The following DIAPH3 variants were observed in gnomAD, a reference collection of about 807,000 sequenced individuals.
The protein encoded by DIAPH3 is protein diaphanous homolog 3.
A neutral mutation model predicts 144.3 loss-of-function variants in DIAPH3; 117 were observed. That is an observed-to-expected ratio of 0.81 (90% CI 0.70 to 0.95). The LOEUF (loss-of-function observed/expected upper bound fraction) is 0.95. Among genes scored for constraint, DIAPH3 ranks in the 40% least tolerant of loss-of-function variants. The pLI is 0.00. For missense variants in DIAPH3, 1,421 were observed against 1,412.7 expected (o/e 1.01, Z -0.09); for synonymous variants, 519 against 488.9 (o/e 1.06, Z -0.81).
intron 5 of DIAPH3, among the ~76,000 whole-genome samples, chr13:60,027,930 G>C (rs1421274822): frequency 2.0e-5 from 3 of 152,048 alleles, no homozygotes; most frequent in African/African-American, 7.3e-5. Flanking sequence ...CTAAATACTT[G>C]TCACTACTAC....
chr13:59,744,915 C>T (rs181549844), intron 27 of DIAPH3, among the ~76,000 whole-genome samples: 1 of 152,048 alleles, frequency 6.6e-6, no homozygotes, highest in Non-Finnish European at 1.5e-5. Context: ...GAAGAGCCAT[C>T]GAGTAGATGA....
intron 13 of DIAPH3, among the ~76,000 whole-genome samples, chr13:59,981,148 C>A (rs538581143): frequency 4.7e-5 from 7 of 150,420 alleles, no homozygotes; most frequent in Non-Finnish European, 1.0e-4. Flanking sequence ...ATCACCAACT[C>A]GTACATATTT....
chr13:59,674,961 G>A (rs1204817304), intron 27 of DIAPH3, among the ~76,000 whole-genome samples: 2 of 152,190 alleles, frequency 1.3e-5, no homozygotes, highest in Non-Finnish European at 2.9e-5. Context: ...TGATCTGGTG[G>A]TTCATAAGGG....
At chr13:59,929,335 T>C (rs1023885045) in intron 17 of DIAPH3, among the ~76,000 whole-genome samples, 1 of 152,146 alleles carries the variant, frequency 6.6e-6, no homozygotes, top group African/African-American at 2.4e-5. Flanking sequence ...TGTCATTTTA[T>C]ATAATTAACC....
chr13:60,009,805 C>A (rs888264824), intron 8 of DIAPH3, among the ~76,000 whole-genome samples: 2 of 152,200 alleles, frequency 1.3e-5, no homozygotes, highest in African/African-American at 4.8e-5. Flanking sequence ...GCTCCCCTTA[C>A]AGGACTCTGC....
intron 21 of DIAPH3, among the ~76,000 whole-genome samples, chr13:59,871,242 T>C (rs1340824160): frequency 6.6e-6 from 1 of 151,570 alleles, no homozygotes; most frequent in African/African-American, 2.4e-5. Flanking sequence ...ATTTCATCTA[T>C]GAAGAAAGAG....
chr13:60,016,948 A>G (rs1257372168), intron 5 of DIAPH3, among the ~76,000 whole-genome samples: 2 of 152,208 alleles, frequency 1.3e-5, no homozygotes, highest in Non-Finnish European at 2.9e-5. Flanking sequence ...CTCAGTGGAG[A>G]TTAGTAAACC....
chr13:59,803,492 G>T (rs1254236489), intron 25 of DIAPH3, among the ~76,000 whole-genome samples: 1 of 151,970 alleles, frequency 6.6e-6, no homozygotes, highest in African/African-American at 2.4e-5. Context: ...TATTGGATGA[G>T]CAATAAACTA....
chr13:59,897,166 T>C (rs138095390), intron 20 of DIAPH3, among the ~76,000 whole-genome samples: 147 of 152,154 alleles, frequency 9.7e-4, no homozygotes, highest in African/African-American at 3.4e-3. Flanking sequence ...TTAGAAGATA[T>C]GGGAAAAGAG....
intron 25 of DIAPH3, among the ~76,000 whole-genome samples, chr13:59,780,616 G>T (rs181953668): frequency 1.3e-5 from 2 of 152,116 alleles, no homozygotes; most frequent in African/African-American, 2.4e-5. Flanking sequence ...TTAAAAAATT[G>T]CACTGTGTCA....
chr13:59,961,748 A>G (rs1284139195), intron 17 of DIAPH3, among the ~76,000 whole-genome samples: 3 of 152,204 alleles, frequency 2.0e-5, no homozygotes, highest in Admixed American at 6.5e-5. Context: ...TGCTTCTTTT[A>G]GCTGAAATTC....
intron 27 of DIAPH3, among the ~76,000 whole-genome samples, chr13:59,678,147 T>G (rs1443720871): frequency 6.6e-6 from 1 of 152,122 alleles, no homozygotes; most frequent in South Asian, 2.1e-4. Context: ...AGGACCTATG[T>G]GGGGGTTAGG....
At chr13:59,904,461 AT>A (rs909433179) in intron 20 of DIAPH3, among the ~76,000 whole-genome samples, 3 of 152,164 alleles carry the variant, frequency 2.0e-5, no homozygotes, top group Admixed American at 6.5e-5. Flanking sequence ...TATTCTAAGA[AT>A]TTTGGGTAAC....
chr13:60,061,537 T>TA (rs200950589), intron 4 of DIAPH3, among the ~76,000 whole-genome samples: 81 of 145,514 alleles, frequency 5.6e-4, no homozygotes, highest in East Asian at 5.2e-3. Flanking sequence ...CCATAACATT[T>TA]AAAAAAAAAA....
chr13:59,930,464 G>C (rs1172338748), intron 17 of DIAPH3, among the ~76,000 whole-genome samples: 3 of 152,138 alleles, frequency 2.0e-5, no homozygotes, highest in Admixed American at 2.0e-4. Context: ...GGAAAAATGA[G>C]TCAGCCAGGT....
In DIAPH3 at chr13:59,899,179, C is replaced by T. The variant is rs566249463; in HGVS notation, c.2367+12556G>A. On this transcript the variant is annotated intron_variant, in intron 20 of 27. Transcript: ENST00000400324. ...TCCCTACTTTCGAGGCTTTGGGACT[C>T]CTACTGGCTTCCTTGCTCTTCAGCT... is the stretch of plus-strand genomic sequence containing the variant. Among the ~76,000 whole-genome samples, 408 of 152,252 alleles carry T rather than the reference C, an allele frequency of 2.7e-3. 2 individuals carry two copies. Among genetic ancestry groups the T allele is most frequent in the South Asian group, 0.012 (60 of 4,808 alleles).
chr13:60,025,623 A>G (rs992628511), intron 5 of DIAPH3, among the ~76,000 whole-genome samples: 16 of 152,120 alleles, frequency 1.1e-4, no homozygotes, highest in African/African-American at 3.9e-4. Flanking sequence ...CAAGTGCTAA[A>G]ATGAGGTCAA....
chr13:59,901,975 A>C (rs1347366245), intron 20 of DIAPH3, among the ~76,000 whole-genome samples: 2 of 152,206 alleles, frequency 1.3e-5, no homozygotes, highest in East Asian at 1.9e-4. Flanking sequence ...ATGAGAGTGC[A>C]AATAAAAATG....
chr13:59,992,718 A>T, intron 9 of DIAPH3, 135 bp from the exon 10 acceptor site: 1 of 731,178 alleles, frequency 1.4e-6, no homozygotes, highest in Non-Finnish European at 2.3e-6. Flanking sequence ...AAAATATTTC[A>T]GTCAGTTATA....
Sources: gnomAD v4.1 joint callset for allele counts (sites outside exome capture counted in the v4.1 genomes callset) on GRCh38, gnomAD v4.1.1 for gene constraint, MANE v1.5 for transcripts, NCBI Gene and HGNC (gene_info 2026-07-23, HGNC 2026-07-21) for gene names.